Variants in SYNDIG1 observed in about 807,000 individuals in gnomAD.
SYNDIG1 encodes the protein synapse differentiation-inducing gene protein 1.
SYNDIG1 carries 9 observed loss-of-function variants against 19.4 expected under a neutral mutation model. The ratio of observed to expected loss-of-function variants is 0.46; its 90% CI spans 0.28 to 0.81. The LOEUF (loss-of-function observed/expected upper bound fraction) is 0.81. Among genes scored for constraint, SYNDIG1 ranks in the 30% least tolerant of loss-of-function variants. The probability of loss-of-function intolerance (pLI) is 0.12; values close to 1 mark genes in which losing one functional copy is unlikely to be tolerated. For synonymous variants in SYNDIG1, 141 were observed against 145.9 expected, an observed-to-expected ratio of 0.97 and a Z score of 0.24; for missense variants, 311 against 343.3, an observed-to-expected ratio of 0.91 and a Z score of 0.74.
intron 1 of SYNDIG1, among the ~76,000 whole-genome samples, chr20:24,520,476 A>T (rs944302854): frequency 3.3e-5 from 5 of 152,154 alleles, no homozygotes; most frequent in Admixed American, 6.5e-5. Context: ...CAGGCGGATC[A>T]CAACCTCAAG....
At chr20:24,618,603 T>C (rs1319111556) in intron 3 of SYNDIG1, among the ~76,000 whole-genome samples, 1 of 152,208 alleles carries the variant, frequency 6.6e-6, no homozygotes, top group Non-Finnish European at 1.5e-5. Context: ...TTCATTAGCT[T>C]TATATTTTCC....
Position 24,540,415 on chromosome 20 carries a change from TG to T in SYNDIG1, c.-78-2604del, listed in dbSNP as rs573516196. On this transcript the variant is annotated intron_variant, in intron 1 of 3. Transcript: ENST00000376862. ...TCTCTGGCTACAGTTTTTAGTACAG[TG>T]TTCAATAAAAGTGGGAAAAGTGGGC... Among the ~76,000 whole-genome samples, 445 of 152,328 alleles carry T rather than the reference TG, an allele frequency of 2.9e-3. 2 individuals are homozygous for T. The highest frequency in any genetic ancestry group is 9.8e-3 in the African/African-American group (406 of 41,586).
Position 24,666,172 on chromosome 20 carries a change from G to C in SYNDIG1, c.*668G>C, listed in dbSNP as rs2059645392. 6.6e-6 allele frequency: 1 copy of C among 152,642 alleles called. No homozygotes were observed. The highest frequency in any genetic ancestry group is 2.1e-4 in the South Asian group (1 of 4,816). 9.5% of individuals were successfully genotyped at this position (152,642 alleles called of 1,614,324 possible). A position where few individuals can be genotyped will look rare whatever the true frequency, so the allele number is the denominator to read the frequency against. ...CTCCGGAACGTGTCTACACTCCACAGCTACCCCGCAGCAATACGCACTCTT... is the reference window on the plus strand; with the variant it reads ...CTCCGGAACGTGTCTACACTCCACACCTACCCCGCAGCAATACGCACTCTT... On this transcript the variant is annotated 3_prime_UTR_variant, in exon 4 of 4. Coordinates refer to ENST00000376862, the MANE Select transcript of SYNDIG1 (RefSeq NM_024893.3).
intron 1 of SYNDIG1, among the ~76,000 whole-genome samples, chr20:24,506,085 TC>T (rs763047953): frequency 6.6e-6 from 1 of 152,184 alleles, no homozygotes; most frequent in East Asian, 1.9e-4. Context: ...AACTCTCAAG[TC>T]CTGGCCCCAG....
intron 3 of SYNDIG1, 75 bp downstream of exon 3, chr20:24,585,068 G>C: frequency 6.5e-7 from 1 of 1,534,578 alleles, no homozygotes; most frequent in Non-Finnish European, 8.8e-7. Flanking sequence ...AATCCCAGCC[G>C]AGGAGGAGAA....
rs578196989 is a variant in SYNDIG1, at chr20:24,557,723, G to C, written c.480+14146G>C. 4.6e-5 allele frequency among the ~76,000 whole-genome samples: 7 copies of C among 152,260 alleles called. No homozygotes were observed. The East Asian group carries it at 9.7e-4, about 21-fold the overall frequency. On this transcript the variant is annotated intron_variant, in intron 2 of 3. Transcript: ENST00000376862. ...GGTGTCAGTCTGCCCGTACTGGGGG[G>C]TGCCTCCCAGTTAGGCTGCTCGGGG...
intron 1 of SYNDIG1, 47 bp from the exon 2 acceptor site, chr20:24,542,973 T>G: frequency 6.9e-7 from 1 of 1,443,668 alleles, no homozygotes; most frequent in Non-Finnish European, 9.4e-7. Context: ...ATTAGCTTGT[T>G]TTCAAGTGTG....
At chr20:24,552,965 G>A (rs1240587294) in intron 2 of SYNDIG1, among the ~76,000 whole-genome samples, 1 of 152,068 alleles carries the variant, frequency 6.6e-6, no homozygotes, top group African/African-American at 2.4e-5. Context: ...ATCCTCTCCA[G>A]CACCTATTGT....
intron 3 of SYNDIG1, among the ~76,000 whole-genome samples, chr20:24,642,366 A>T (rs1600816139): frequency 6.6e-6 from 1 of 151,784 alleles, no homozygotes; most frequent in Non-Finnish European, 1.5e-5. Context: ...AGAGAGAGGG[A>T]TTGTCAGGGC....
chr20:24,532,467 C>G (rs538240387), intron 1 of SYNDIG1, among the ~76,000 whole-genome samples: 1 of 152,104 alleles, frequency 6.6e-6, no homozygotes, highest in Non-Finnish European at 1.5e-5. Context: ...GGGAAAGGAA[C>G]CACATCATGG....
At chr20:24,487,813 G>A (rs535584752) in intron 1 of SYNDIG1, among the ~76,000 whole-genome samples, 2 of 152,154 alleles carry the variant, frequency 1.3e-5, no homozygotes, top group Non-Finnish European at 2.9e-5. Flanking sequence ...AGAAGAGGAG[G>A]TCCTGGGATC....
intron 1 of SYNDIG1, among the ~76,000 whole-genome samples, chr20:24,526,576 GAGATAT>G (rs1328566517): frequency 3.9e-5 from 6 of 152,000 alleles, no homozygotes; most frequent in East Asian, 1.9e-4. Context: ...TATAGAGAGA[GAGATAT>G]AGATATAGAT....
chr20:24,616,057 G>C (rs932538442), intron 3 of SYNDIG1, among the ~76,000 whole-genome samples: 1 of 152,178 alleles, frequency 6.6e-6, no homozygotes, highest in Non-Finnish European at 1.5e-5. Context: ...CATAACAGCT[G>C]TTGATGGTAT....
At chr20:24,639,278 G>T (rs927197472) in intron 3 of SYNDIG1, among the ~76,000 whole-genome samples, 1 of 152,156 alleles carries the variant, frequency 6.6e-6, no homozygotes, top group Non-Finnish European at 1.5e-5. Context: ...CATGAACCAG[G>T]TGCATGTGCC....
intron 3 of SYNDIG1, among the ~76,000 whole-genome samples, chr20:24,605,777 A>G (rs895948679): frequency 3.9e-5 from 6 of 152,174 alleles, no homozygotes; most frequent in Non-Finnish European, 1.5e-5. Context: ...CAGAGAAAAC[A>G]TGCATGTTGA....
At chr20:24,560,473 A>G in intron 2 of SYNDIG1, among the ~76,000 whole-genome samples, 1 of 151,674 alleles carries the variant, frequency 6.6e-6, no homozygotes, top group Non-Finnish European at 1.5e-5. Flanking sequence ...CCCTCTTGTG[A>G]ATTTTCATTT....
Position 24,543,017 on chromosome 20 carries a change from C to T in SYNDIG1, c.-78-3C>T. 1 of 1,544,406 alleles carries T rather than the reference C, an allele frequency of 6.5e-7. No homozygotes were observed. The highest frequency in any genetic ancestry group is 8.8e-7 in the Non-Finnish European group (1 of 1,142,546). ...GTCTCATCTCTGTTTTCTCCTCCTC[C>T]AGGAGAAATGGCTTCCCTGAGGCAA... is the stretch of plus-strand genomic sequence containing the variant. On this transcript the variant is annotated splice_polypyrimidine_tract_variant and splice_region_variant and intron_variant, in intron 1 of 3. Transcript: ENST00000376862.
chr20:24,517,718 GTGTA>G (rs2056913187), intron 1 of SYNDIG1, among the ~76,000 whole-genome samples: 2 of 143,976 alleles, frequency 1.4e-5, no homozygotes, highest in African/African-American at 2.6e-5. Context: ...GTATATATAT[GTGTA>G]TGTATATATA....
chr20:24,600,116 T>C (rs374586721), intron 3 of SYNDIG1, among the ~76,000 whole-genome samples: 5 of 152,364 alleles, frequency 3.3e-5, no homozygotes, highest in African/African-American at 1.2e-4. Context: ...TTCTTTCATA[T>C]GTCTTCACAA....
Sources: gnomAD v4.1 joint callset for allele counts (sites outside exome capture counted in the v4.1 genomes callset) on GRCh38, gnomAD v4.1.1 for gene constraint, MANE v1.5 for transcripts, NCBI Gene and HGNC (gene_info 2026-07-23, HGNC 2026-07-21) for gene names.